PDZD2: variants seen among roughly 807,000 people sequenced by gnomAD.
The protein encoded by PDZD2 is PDZ domain containing 2.
PDZD2 carries 90 observed loss-of-function variants against 220.7 expected under a neutral mutation model. The observed-to-expected ratio is 0.41, with a 90% CI of 0.34 to 0.49. The LOEUF is 0.49. Ranked by LOEUF, PDZD2 falls within the 20% of genes least tolerant of loss-of-function variation. The probability of loss-of-function intolerance (pLI) is 0.28; values close to 1 mark genes in which losing one functional copy is unlikely to be tolerated. For synonymous variants in PDZD2, 1,375 were observed against 1,450.5 expected, an observed-to-expected ratio of 0.95 and a Z score of 1.18; for missense variants, 3,174 against 3,608.5, an observed-to-expected ratio of 0.88 and a Z score of 3.08.
At chr5:31,921,938 G>A (rs1744299006) in intron 2 of PDZD2, among the ~76,000 whole-genome samples, 1 of 152,202 alleles carries the variant, frequency 6.6e-6, no homozygotes, top group East Asian at 1.9e-4. Context: ...CACTTTGGCT[G>A]TTGTTGTTAC....
intron 2 of PDZD2, among the ~76,000 whole-genome samples, chr5:31,919,223 A>G (rs1190538714): frequency 2.6e-5 from 4 of 152,106 alleles, no homozygotes; most frequent in East Asian, 1.9e-4. Flanking sequence ...TTTTAGCAAA[A>G]CCTCTGCAGC....
At chr5:32,001,785 C>T (rs539745999) in intron 5 of PDZD2, among the ~76,000 whole-genome samples, 1 of 151,958 alleles carries the variant, frequency 6.6e-6, no homozygotes, top group African/African-American at 2.4e-5. Context: ...ACTAGGGCAG[C>T]GTCTATGTGG....
chr5:31,708,338 CATAAATGGCCCATGGGAA>C (rs1011454695), intron 1 of PDZD2, among the ~76,000 whole-genome samples: 10 of 152,216 alleles, frequency 6.6e-5, no homozygotes, highest in African/African-American at 1.9e-4. Flanking sequence ...TGGTCCCAAC[CATAAATGGCCCATGGGAA>C]ACCAGTGTCC....
intron 1 of PDZD2, among the ~76,000 whole-genome samples, chr5:31,759,767 ACTC>A (rs745849429): frequency 1.3e-5 from 2 of 150,410 alleles, no homozygotes; most frequent in South Asian, 2.1e-4. Flanking sequence ...CTGGTCTCAA[ACTC>A]CTGACCTCAG....
intron 1 of PDZD2, among the ~76,000 whole-genome samples, chr5:31,788,437 G>A (rs1366776416): frequency 3.3e-5 from 5 of 152,264 alleles, no homozygotes; most frequent in East Asian, 3.9e-4. Context: ...AGGCCAAGGC[G>A]GGCGGATCAC....
intron 2 of PDZD2, among the ~76,000 whole-genome samples, chr5:31,924,024 G>GT (rs1744524047): frequency 6.6e-6 from 1 of 152,186 alleles, no homozygotes; most frequent in Non-Finnish European, 1.5e-5. Flanking sequence ...ATCGCCTTGA[G>GT]TTTCTGAAAA....
intron 5 of PDZD2, among the ~76,000 whole-genome samples, chr5:32,009,684 A>G (rs114970601): frequency 0.069 from 10,450 of 152,096 alleles, 389 homozygotes; most frequent in East Asian, 0.11. Context: ...GTGAGCTATG[A>G]TTGCACCACT....
chr5:31,900,167 T>A (rs1741947443), intron 2 of PDZD2, among the ~76,000 whole-genome samples: 1 of 152,198 alleles, frequency 6.6e-6, no homozygotes, highest in African/African-American at 2.4e-5. Context: ...GATGGTGGTG[T>A]ATCCTCACAT....
chr5:31,858,705 C>T (rs1037646868), intron 2 of PDZD2, among the ~76,000 whole-genome samples: 5 of 151,932 alleles, frequency 3.3e-5, no homozygotes, highest in Middle Eastern at 3.4e-3. Flanking sequence ...TCCTTCATCC[C>T]TCCCTCCCTC....
At chr5:31,923,454 C>G in intron 2 of PDZD2, 1 of 1,090,482 alleles carries the variant, frequency 9.2e-7, no homozygotes, top group Middle Eastern at 2.2e-4. Context: ...CTTTATCCCT[C>G]TTGTGATTTA....
intron 1 of PDZD2, among the ~76,000 whole-genome samples, chr5:31,761,307 A>G (rs1288218853): frequency 7.2e-5 from 11 of 152,204 alleles, no homozygotes; most frequent in Non-Finnish European, 1.2e-4. Context: ...GATGAGAGAA[A>G]GGGAGGATCC....
intron 2 of PDZD2, among the ~76,000 whole-genome samples, chr5:31,825,908 T>C (rs1401819307): frequency 6.6e-6 from 1 of 150,486 alleles, no homozygotes; most frequent in African/African-American, 2.5e-5. Context: ...TCCACAGGCA[T>C]GCTATTAACA....
intron 2 of PDZD2, among the ~76,000 whole-genome samples, chr5:31,817,477 A>C (rs1755540434): frequency 6.6e-6 from 1 of 151,904 alleles, no homozygotes; most frequent in African/African-American, 2.4e-5. Flanking sequence ...TGGGCAACAG[A>C]GCAAGACTCC....
chr5:32,040,366 G>A (rs1385487468), intron 7 of PDZD2, among the ~76,000 whole-genome samples: 13 of 144,750 alleles, frequency 9.0e-5, no homozygotes, highest in Admixed American at 1.4e-4. Flanking sequence ...TGGCCGCCCC[G>A]TCTAGGAAGT....
At position 31,805,741 on chromosome 5, in the gene PDZD2, T is replaced by C. The variant is rs528063914; in HGVS notation, c.476+6017T>C. ...AGTCCTAGCCCCCAGAATATGACCT[T>C]ATTTAGAAATAGGATCATTGCAGGA... is the stretch of plus-strand genomic sequence containing the variant. On this transcript the variant is annotated intron_variant, in intron 2 of 24. Transcript: ENST00000438447. Among the ~76,000 whole-genome samples, 153 of 152,334 alleles carry C rather than the reference T, an allele frequency of 1.0e-3. 7 individuals are homozygous for C. The South Asian group carries it at 0.03, about 30-fold the overall frequency.
At chr5:32,040,530 G>A (rs1215114312) in intron 7 of PDZD2, among the ~76,000 whole-genome samples, 7 of 149,392 alleles carry the variant, frequency 4.7e-5, no homozygotes, top group Admixed American at 2.0e-4. Flanking sequence ...TCTGGGAGAT[G>A]AGGAGCGCCT....
intron 2 of PDZD2, among the ~76,000 whole-genome samples, chr5:31,871,885 G>A (rs1447618845): frequency 6.6e-6 from 1 of 152,030 alleles, no homozygotes; most frequent in African/African-American, 2.4e-5. Flanking sequence ...GAGTGCAGTG[G>A]TGCGAACACA....
intron 2 of PDZD2, among the ~76,000 whole-genome samples, chr5:31,963,667 A>G (rs1381573371): frequency 6.6e-6 from 1 of 152,208 alleles, no homozygotes; most frequent in Non-Finnish European, 1.5e-5. Context: ...GTCAGGCCAG[A>G]AGGCGTTCTG....
At chr5:31,722,818 A>G (rs887528695) in intron 1 of PDZD2, among the ~76,000 whole-genome samples, 1 of 151,924 alleles carries the variant, frequency 6.6e-6, no homozygotes, top group African/African-American at 2.4e-5. Flanking sequence ...CTGCCCAAGT[A>G]GCTGGGATTA....
Sources: gnomAD v4.1 joint callset for allele counts (sites outside exome capture counted in the v4.1 genomes callset) on GRCh38, gnomAD v4.1.1 for gene constraint, MANE v1.5 for transcripts, NCBI Gene and HGNC (gene_info 2026-07-23, HGNC 2026-07-21) for gene names.